Variants in GTPBP6 observed in about 807,000 individuals in gnomAD.
GTPBP6 encodes putative GTP-binding protein 6.
Under a neutral mutation model 28.9 loss-of-function variants are expected in GTPBP6, and 33 were observed. The observed-to-expected ratio is 1.14, with a 90% CI of 0.87 to 1.53. The LOEUF (loss-of-function observed/expected upper bound fraction) is 1.53, where lower values mean the gene tolerates loss of function less well. GTPBP6 is among the 40% of genes most tolerant of loss of function. GTPBP6 has a pLI of 0.00. For synonymous variants in GTPBP6, 231 were observed against 192.7 expected (o/e 1.20, Z -1.65); for missense variants, 507 against 408.3 (o/e 1.24, Z -2.08).
At chrX:312,622 G>A (rs2070332014) in intron 6 of GTPBP6, 144 bp downstream of exon 6, 1 of 853,612 alleles carries the variant, frequency 1.2e-6, no homozygotes, top group African/African-American at 1.7e-5. Context: ...CGGCGACCAT[G>A]GGAACCCCCT....
chrX:304,869 G>A (rs1011410700), exon 10 of GTPBP6: 9 of 1,432,908 alleles, frequency 6.3e-6, no homozygotes, highest in South Asian at 3.1e-5. Context: ...TGGAGTGGAC[G>A]CTCGGGCGGC....
intron 9 of GTPBP6, 51 bp from the exon 10 acceptor site, chrX:305,248 G>T: frequency 2.2e-6 from 3 of 1,354,860 alleles, no homozygotes; most frequent in Non-Finnish European, 2.1e-6. Context: ...GTAAGTATTT[G>T]CTTAGTTTCA....
In GTPBP6 at chrX:314,231, GGGAGTGGCTCGGTCTCTGC is replaced by G. The variant is rs2070381291; in HGVS notation, c.690-33_690-15del. ...TTCAAGTTCGACCTGGTGTGGGAAC[GGGAGTGGCTCGGTCTCTGC>G]GGACGCTGTCTCCCTCCCGGCAGAG... On this transcript the variant is annotated splice_polypyrimidine_tract_variant and intron_variant, in intron 4 of 9. Transcript: ENST00000326153. 5 of 1,610,266 alleles carry G rather than the reference GGGAGTGGCTCGGTCTCTGC, an allele frequency of 3.1e-6. No individual in the cohort carries two copies. Among genetic ancestry groups the G allele is most frequent in the Non-Finnish European group, 4.2e-6 (5 of 1,176,682 alleles).
At chrX:306,616 A>G (rs1418498686) in intron 9 of GTPBP6, among the ~76,000 whole-genome samples, 7 of 151,206 alleles carry the variant, frequency 4.6e-5, no homozygotes, top group East Asian at 2.0e-4. Context: ...GTATGCAGTC[A>G]GAAATGTACA....
In GTPBP6 at chrX:305,217, G is replaced by A. The variant is rs773835599; in HGVS notation, c.1428-20C>T. 1 of 1,582,260 alleles carries A rather than the reference G, an allele frequency of 6.3e-7. No individual in the cohort carries two copies. The highest frequency in any genetic ancestry group is 1.1e-5 in the South Asian group (1 of 90,408). The stretch of plus-strand genomic sequence containing the variant: ...AGCCAGCTGGGCACAGATGCGCGTT[G>A]TATGGAGACAAGCAGAACCCGTAAG... On this transcript the variant is annotated intron_variant, in intron 9 of 9. Coordinates refer to ENST00000326153, the Ensembl canonical transcript of GTPBP6.
intron 6 of GTPBP6, 74 bp downstream of exon 6, chrX:312,692 C>T (rs771930851): frequency 4.1e-6 from 6 of 1,465,122 alleles, no homozygotes; most frequent in East Asian, 2.3e-5. Context: ...CAGGGACCCC[C>T]TGCCCTCCCC....
intron 7 of GTPBP6, among the ~76,000 whole-genome samples, chrX:309,474 AAG>A (rs1424370969): frequency 6.1e-5 from 4 of 65,898 alleles, no homozygotes; most frequent in African/African-American, 1.3e-4. Context: ...GACAGAAAGA[AAG>A]AGATGTGGGG....
intron 7 of GTPBP6, among the ~76,000 whole-genome samples, chrX:309,692 G>A (rs1295129544): frequency 8.0e-5 from 12 of 150,742 alleles, no homozygotes; most frequent in African/African-American, 2.9e-4. Flanking sequence ...GAGCCCCCAG[G>A]AGCTGGGAGA....
At chrX:305,543 G>C (rs28683496) in intron 9 of GTPBP6, among the ~76,000 whole-genome samples, 7,019 of 146,442 alleles carry the variant, frequency 0.048, 698 homozygotes, top group African/African-American at 0.17. Flanking sequence ...GGATGGTCTC[G>C]ATCTCCTGAC....
At position 307,345 on chromosome X, in the gene GTPBP6, C is replaced by T; in HGVS notation, c.1427+15G>A. 1 of 1,610,894 alleles carries T rather than the reference C, an allele frequency of 6.2e-7. No individual in the cohort carries two copies. The stretch of plus-strand genomic sequence containing the variant: ...CAAAGCACCATCCCGTCTCCTGCCC[C>T]TGCAGGCCGCTCACCTGAGCTGCGC... On this transcript the variant is annotated intron_variant, in intron 9 of 9. Transcript: ENST00000326153.
chrX:311,812 G>C lies in GTPBP6; in HGVS notation c.917-185C>G, dbSNP rs1347433050. On this transcript the variant is annotated intron_variant, in intron 6 of 9. Coordinates refer to ENST00000326153, the Ensembl canonical transcript of GTPBP6. ...CGCGTGGGACAAAGCCACCGTCGCT[G>C]TTCTCGGGCCGATGGAGCGGGGCCG... 6.4e-6 allele frequency: 4 copies of C among 623,178 alleles called. No homozygotes were observed. The East Asian group carries it at 1.1e-4, about 17-fold the overall frequency. The allele number at this position is 623,178 out of a possible 1,614,324, so 38.6% of individuals were successfully genotyped here. A position where few individuals can be genotyped will look rare whatever the true frequency, so the allele number is the denominator to read the frequency against.
intron 7 of GTPBP6, among the ~76,000 whole-genome samples, chrX:308,421 AAAT>A (rs2070218270): frequency 6.6e-6 from 1 of 152,132 alleles, no homozygotes; most frequent in Admixed American, 6.6e-5. Context: ...CACTTAATAC[AAAT>A]AATATTTTTC....
At chrX:317,980 CT>C (rs2070472073) in intron 1 of GTPBP6, among the ~76,000 whole-genome samples, 1 of 147,522 alleles carries the variant, frequency 6.8e-6, no homozygotes. Context: ...AGCTCTTCCC[CT>C]CAGAGCCCCG....
At chrX:312,339 G>T in intron 6 of GTPBP6, 1 of 470,128 alleles carries the variant, frequency 2.1e-6, no homozygotes, top group Admixed American at 2.3e-5. Context: ...AGTGGTGCTG[G>T]TGTAGACAGG....
intron 9 of GTPBP6, 90 bp from the exon 10 acceptor site, chrX:305,287 A>AATT: frequency 3.9e-6 from 4 of 1,019,326 alleles, no homozygotes; most frequent in Non-Finnish European, 6.1e-6. Flanking sequence ...AAAAGAGCTT[A>AATT]GCTCAAACCA....
chrX:315,561 C>G (rs2070415484), intron 2 of GTPBP6, among the ~76,000 whole-genome samples: 1 of 116,972 alleles, frequency 8.5e-6, no homozygotes, highest in African/African-American at 5.2e-5. Context: ...CAGACACACA[C>G]ACACACACAC....
rs746117282 is a variant in GTPBP6, at chrX:307,343, C to T, written c.1427+17G>A. On this transcript the variant is annotated intron_variant, in intron 9 of 9. Transcript: ENST00000326153. Reference sequence around the variant, plus strand: ...TCCAAAGCACCATCCCGTCTCCTGCCCCTGCAGGCCGCTCACCTGAGCTGC... The same window carrying T: ...TCCAAAGCACCATCCCGTCTCCTGCTCCTGCAGGCCGCTCACCTGAGCTGC... 1.3e-5 allele frequency: 21 copies of T among 1,610,434 alleles called. No homozygotes were observed. The African/African-American group carries it at 2.7e-4, about 20-fold the overall frequency.
At chrX:313,215 A>T (rs1569352831) in intron 5 of GTPBP6, among the ~76,000 whole-genome samples, 1 of 152,232 alleles carries the variant, frequency 6.6e-6, no homozygotes, top group Non-Finnish European at 1.5e-5. Context: ...CGAGCGGGAC[A>T]CGGCCCAGGA....
At chrX:312,801 A>T in exon 6 of GTPBP6, 1 of 1,612,448 alleles carries the variant, frequency 6.2e-7, no homozygotes, top group East Asian at 2.2e-5. Flanking sequence ...GATCACGGGG[A>T]ACTCCCGCCT....
Sources: gnomAD v4.1 joint callset for allele counts (sites outside exome capture counted in the v4.1 genomes callset) on GRCh38, gnomAD v4.1.1 for gene constraint, MANE v1.5 for transcripts, NCBI Gene and HGNC (gene_info 2026-07-23, HGNC 2026-07-21) for gene names.